TEK: variants seen among roughly 807,000 people sequenced by gnomAD.
TEK encodes angiopoietin-1 receptor.
In TEK, 43 loss-of-function variants were observed where a neutral mutation model predicts 131.8. The ratio of observed to expected loss-of-function variants is 0.33; its 90% CI spans 0.26 to 0.42. The LOEUF is 0.42. TEK is among the 10% of genes least tolerant of loss of function. The probability of loss-of-function intolerance (pLI) is 1.00; values close to 1 mark genes in which losing one functional copy is unlikely to be tolerated. For synonymous variants in TEK, 580 were observed against 491.6 expected (o/e 1.18, Z -2.38); for missense variants, 1,162 against 1,384.4 (o/e 0.84, Z 2.55).
intron 2 of TEK, among the ~76,000 whole-genome samples, chr9:27,161,420 A>G (rs1353844000): frequency 1.3e-5 from 2 of 152,254 alleles, no homozygotes; most frequent in African/African-American, 4.8e-5. Context: ...TACAAGAAGC[A>G]TCGATTTACA....
intron 1 of TEK, among the ~76,000 whole-genome samples, chr9:27,153,225 G>T (rs1823196494): frequency 6.6e-6 from 1 of 152,154 alleles, no homozygotes; most frequent in Admixed American, 6.5e-5. Context: ...GAGGCGGGTG[G>T]ATCACGACGT....
intron 3 of TEK, 144 bp downstream of exon 3, chr9:27,168,749 T>G (rs990667519): frequency 1.4e-6 from 1 of 708,678 alleles, no homozygotes; most frequent in African/African-American, 1.8e-5. Context: ...ATTCTGTGTA[T>G]GATAGAAGCC....
At chr9:27,199,473 C>T (rs1376340507) in intron 12 of TEK, among the ~76,000 whole-genome samples, 2 of 152,096 alleles carry the variant, frequency 1.3e-5, no homozygotes, top group Non-Finnish European at 2.9e-5. Context: ...TATGACAGTG[C>T]CATTTTCCTT....
At chr9:27,204,705 T>TC (rs1825340458) in intron 13 of TEK, among the ~76,000 whole-genome samples, 2 of 151,430 alleles carry the variant, frequency 1.3e-5, no homozygotes, top group Admixed American at 6.6e-5. Context: ...TTTTTTTTTT[T>TC]TTAATCTTAT....
At chr9:27,124,968 C>T (rs181450911) in intron 1 of TEK, among the ~76,000 whole-genome samples, 1 of 152,222 alleles carries the variant, frequency 6.6e-6, no homozygotes, top group African/African-American at 2.4e-5. Context: ...AAGGAGTGAC[C>T]TTCGGAACAG....
chr9:27,223,998 C>T (rs1038875879), intron 21 of TEK, among the ~76,000 whole-genome samples: 1 of 152,182 alleles, frequency 6.6e-6, no homozygotes, highest in African/African-American at 2.4e-5. Context: ...CGCAAATAAA[C>T]TAGAACATCT....
At chr9:27,131,843 G>T (rs1051524525) in intron 1 of TEK, among the ~76,000 whole-genome samples, 5 of 151,770 alleles carry the variant, frequency 3.3e-5, no homozygotes, top group Non-Finnish European at 7.4e-5. Flanking sequence ...AGCTATATAT[G>T]TTTGTTTCTG....
At chr9:27,136,233 C>T (rs935285829) in intron 1 of TEK, among the ~76,000 whole-genome samples, 2 of 151,918 alleles carry the variant, frequency 1.3e-5, no homozygotes, top group African/African-American at 2.4e-5. Flanking sequence ...AGGTGCATGC[C>T]ACCACGCCCA....
chr9:27,219,274 C>G (rs942709430), intron 20 of TEK, among the ~76,000 whole-genome samples: 2 of 152,128 alleles, frequency 1.3e-5, no homozygotes, highest in African/African-American at 4.8e-5. Context: ...TAATGTGGTA[C>G]ATATACACCG....
intron 1 of TEK, among the ~76,000 whole-genome samples, chr9:27,127,261 G>T (rs1822021659): frequency 6.6e-6 from 1 of 152,122 alleles, no homozygotes; most frequent in Non-Finnish European, 1.5e-5. Context: ...AGTTTGCTGA[G>T]AATGGTTTCC....
chr9:27,143,618 T>C lies in TEK; in HGVS notation c.53-14213T>C, dbSNP rs13286361. On this transcript the variant is annotated intron_variant, in intron 1 of 22. Coordinates refer to ENST00000380036, the MANE Select transcript of TEK (RefSeq NM_000459.5). The stretch of plus-strand genomic sequence containing the variant: ...CTCTGGCTTTCATGTTTTAGATGGC[T>C]TTTCCTCAAGTGACTGCAGAGATAG... Among the ~76,000 whole-genome samples the C allele has an allele frequency of 2.0e-5, 3 of 152,358 alleles. No homozygotes were observed. In the South Asian group the frequency reaches 6.2e-4, roughly 32 times the overall value.
rs534007724 is a variant in TEK, at chr9:27,206,433, T to C, written c.2365-149T>C. On this transcript the variant is annotated intron_variant, in intron 14 of 22. Transcript: ENST00000380036. ...GGCAGCTGGTTTATCAGGGCAGTCC[T>C]GTGTGATGAAAACCTATTTCCCTTT... 2.1e-3 allele frequency: 1,947 copies of C among 943,706 alleles called. 2 individuals carry two copies. Among genetic ancestry groups the C allele is most frequent in the Admixed American group, 3.4e-3 (159 of 46,602 alleles). The allele number at this position is 943,706 out of a possible 1,614,324, so 58.5% of individuals were successfully genotyped here.
rs779589176 is a variant in TEK at position 27,202,933 on chromosome 9, A to C, written c.2023A>C (p.Lys675Gln). Residue 675 changes from lysine to glutamine, a missense_variant, in exon 13 of 23, where the codon AAG becomes CAG. Lys to Gln is a moderately conservative substitution (Grantham distance 53). This residue lies in a region of TEK where 477 missense variants were observed against 471.0 expected (regional missense o/e 1.01). Transcript: ENST00000380036. The stretch of plus-strand genomic sequence containing the variant: ...TATTTCTTCTATTACTATCCGTTAC[A>C]AGGTTCAAGGCAAGAATGAAGACCA... Reference protein sequence around the residue: ...YSISSITIRYKVQGKNEDQHV... With the variant: ...YSISSITIRYQVQGKNEDQHV... 1.2e-6 allele frequency: 2 copies of C among 1,614,168 alleles called. No homozygotes were observed. Among genetic ancestry groups the C allele is most frequent in the Non-Finnish European group, 1.7e-6 (2 of 1,180,000 alleles).
intron 1 of TEK, among the ~76,000 whole-genome samples, chr9:27,111,874 AT>A (rs1821360952): frequency 2.0e-5 from 3 of 149,866 alleles, no homozygotes; most frequent in African/African-American, 4.9e-5. Flanking sequence ...TCATGCTTTC[AT>A]ACCTCTTTAC....
chr9:27,168,776 T>A (rs1823838231), intron 3 of TEK, among the ~76,000 whole-genome samples, 171 bp downstream of exon 3: 1 of 152,212 alleles, frequency 6.6e-6, no homozygotes. Context: ...GGTGACATAT[T>A]TGGTTACTTA....
intron 21 of TEK, among the ~76,000 whole-genome samples, chr9:27,225,436 C>T (rs1826278519): frequency 6.6e-6 from 1 of 152,168 alleles, no homozygotes; most frequent in Non-Finnish European, 1.5e-5. Context: ...AATAACACCA[C>T]ACATCTACAA....
At chr9:27,211,954 GAAAAC>G (rs1263975615) in intron 16 of TEK, among the ~76,000 whole-genome samples, 1 of 124,078 alleles carries the variant, frequency 8.1e-6, no homozygotes, top group Admixed American at 7.8e-5. Flanking sequence ...AAAATTCCAA[GAAAAC>G]AAAAGTAACA....
Position 27,204,833 on chromosome 9 carries a change from G to A in TEK, c.2210-78G>A, listed in dbSNP as rs1052457055. On this transcript the variant is annotated intron_variant, in intron 13 of 22. Transcript: ENST00000380036. The stretch of plus-strand genomic sequence containing the variant: ...TGCTGTTAAGTTCCCATTACACTGT[G>A]TCTTCTCCCACATACGGTGTGGGTC... 1.9e-4 allele frequency: 301 copies of A among 1,592,038 alleles called. 2 individuals are homozygous for A. Among genetic ancestry groups the A allele is most frequent in the Non-Finnish European group, 1.2e-5 (14 of 1,163,924 alleles).
intron 1 of TEK, among the ~76,000 whole-genome samples, chr9:27,144,646 C>T (rs528121423): frequency 2.0e-5 from 3 of 152,234 alleles, no homozygotes; most frequent in Admixed American, 2.0e-4. Context: ...AGACAAGCTA[C>T]TTCCCAAATA....
Sources: allele counts gnomAD v4.1 joint callset (sites outside exome capture counted in the v4.1 genomes callset), GRCh38; gene constraint gnomAD v4.1.1; regional missense constraint gnomAD v4.1.1; transcripts MANE v1.5; gene names NCBI Gene and HGNC (gene_info 2026-07-23, HGNC 2026-07-21).